The following SGCZ variants were observed in gnomAD, a reference collection of about 807,000 sequenced individuals.
SGCZ encodes zeta-sarcoglycan.
A neutral mutation model predicts 41.3 loss-of-function variants in SGCZ; 40 were observed. The ratio of observed to expected loss-of-function variants is 0.97; its 90% confidence interval spans 0.75 to 1.26. The LOEUF is 1.26. Among genes scored for constraint, SGCZ ranks in the 50% most tolerant of loss-of-function variants. The probability of loss-of-function intolerance (pLI) is 0.00; values close to 1 mark genes in which losing one functional copy is unlikely to be tolerated. For synonymous variants in SGCZ, 206 were observed against 137.5 expected, an observed-to-expected ratio of 1.50 and a Z score of -3.49; for missense variants, 552 against 369.8, an observed-to-expected ratio of 1.49 and a Z score of -4.04.
At position 14,620,466 on chromosome 8, in the gene SGCZ, G is replaced by A. The variant is rs1251586940; in HGVS notation, c.40-65540C>T. Among the ~76,000 whole-genome samples, 6 of 152,102 alleles carry A rather than the reference G, an allele frequency of 3.9e-5. No homozygotes were observed. The East Asian group carries it at 1.2e-3, about 29-fold the overall frequency. On this transcript the variant is annotated intron_variant, in intron 1 of 7. Transcript: ENST00000382080. Reference sequence around the variant, plus strand: ...GATCTAATTAAACTAAAGAGCTTCTGCACAGCAAAAGAAACTACCATCAGA... The same window carrying A: ...GATCTAATTAAACTAAAGAGCTTCTACACAGCAAAAGAAACTACCATCAGA...
At chr8:14,293,253 T>C (rs1486650639) in intron 3 of SGCZ, among the ~76,000 whole-genome samples, 1 of 152,042 alleles carries the variant, frequency 6.6e-6, no homozygotes, top group Non-Finnish European at 1.5e-5. Context: ...GGATGTGATA[T>C]ATGTAAGAAT....
intron 2 of SGCZ, among the ~76,000 whole-genome samples, chr8:14,479,438 G>T (rs1801459436): frequency 6.6e-6 from 1 of 152,024 alleles, no homozygotes; most frequent in African/African-American, 2.4e-5. Context: ...GGTGGGTTTG[G>T]GTCTCCCAGT....
intron 1 of SGCZ, among the ~76,000 whole-genome samples, chr8:15,184,802 A>T (rs911680096): frequency 1.5e-4 from 23 of 152,278 alleles, no homozygotes; most frequent in African/African-American, 5.3e-4. Context: ...TTTTACCTGC[A>T]GCCTTGTAAT....
At chr8:15,123,142 A>G (rs1323058061) in intron 1 of SGCZ, among the ~76,000 whole-genome samples, 1 of 152,154 alleles carries the variant, frequency 6.6e-6, no homozygotes, top group Admixed American at 6.5e-5. Flanking sequence ...CATGACACTG[A>G]TATCATTTTT....
At chr8:14,413,039 C>G (rs1414602289) in intron 2 of SGCZ, among the ~76,000 whole-genome samples, 1 of 151,706 alleles carries the variant, frequency 6.6e-6, no homozygotes, top group Non-Finnish European at 1.5e-5. Flanking sequence ...AATTTTAAGA[C>G]AAAAATTTTA....
intron 1 of SGCZ, among the ~76,000 whole-genome samples, chr8:15,049,607 C>T (rs1034983383): frequency 1.3e-5 from 2 of 152,122 alleles, no homozygotes; most frequent in Non-Finnish European, 2.9e-5. Flanking sequence ...GTACTGCCAC[C>T]ATGCGCAGCT....
At chr8:14,548,103 C>A (rs936028788) in intron 2 of SGCZ, among the ~76,000 whole-genome samples, 4 of 152,044 alleles carry the variant, frequency 2.6e-5, no homozygotes, top group Non-Finnish European at 5.9e-5. Flanking sequence ...TATTTTAATT[C>A]TTTTGATTTC....
intron 2 of SGCZ, among the ~76,000 whole-genome samples, chr8:14,552,684 G>A (rs545601806): frequency 6.6e-6 from 1 of 152,028 alleles, no homozygotes; most frequent in African/African-American, 2.4e-5. Flanking sequence ...TGAGGATCCT[G>A]AGGACACAGG....
At position 14,085,940 on chromosome 8, in the gene SGCZ, C is replaced by A. The variant is rs970985087; in HGVS notation, c.*4503G>T. Among the ~76,000 whole-genome samples the A allele has an allele frequency of 2.0e-5, 3 of 151,680 alleles. No individual in the cohort carries two copies. The highest frequency in any genetic ancestry group is 7.2e-5 in the African/African-American group (3 of 41,392). On this transcript the variant is annotated 3_prime_UTR_variant, in exon 8 of 8. Transcript: ENST00000382080. ...CATTCTTTGGTCTTTGACATTTAAA[C>A]AACTAATAAATTTCAGTATAAAACA... is the stretch of plus-strand genomic sequence containing the variant.
chr8:14,967,015 T>G (rs1184882475), intron 1 of SGCZ, among the ~76,000 whole-genome samples: 2 of 152,152 alleles, frequency 1.3e-5, no homozygotes, highest in Non-Finnish European at 2.9e-5. Flanking sequence ...ATTAAAAATT[T>G]TATGTATGCC....
intron 1 of SGCZ, among the ~76,000 whole-genome samples, chr8:15,050,938 C>T (rs1246272958): frequency 2.0e-5 from 3 of 152,182 alleles, no homozygotes; most frequent in Non-Finnish European, 4.4e-5. Context: ...ATGGGAAATA[C>T]TTGCCTCTTT....
chr8:14,127,225 G>A (rs1408376101), intron 5 of SGCZ, among the ~76,000 whole-genome samples: 1 of 151,994 alleles, frequency 6.6e-6, no homozygotes, highest in Non-Finnish European at 1.5e-5. Flanking sequence ...GAAAGCATAG[G>A]TCTGGTTCCC....
chr8:14,794,925 G>T (rs528467761), intron 1 of SGCZ, among the ~76,000 whole-genome samples: 1 of 152,304 alleles, frequency 6.6e-6, no homozygotes, highest in East Asian at 1.9e-4. Flanking sequence ...ATGAAGAACA[G>T]TATGTCCAGA....
intron 1 of SGCZ, among the ~76,000 whole-genome samples, chr8:14,669,114 C>G (rs1456818624): frequency 6.6e-6 from 1 of 151,898 alleles, no homozygotes; most frequent in Non-Finnish European, 1.5e-5. Flanking sequence ...GCAGGTGAAT[C>G]ACTTGAGCTC....
At chr8:14,092,878 A>C (rs1333848923) in intron 7 of SGCZ, among the ~76,000 whole-genome samples, 1 of 151,710 alleles carries the variant, frequency 6.6e-6, no homozygotes, top group African/African-American at 2.4e-5. Context: ...AACAATATAT[A>C]ATTATTGTCT....
chr8:14,634,338 G>A (rs1806757482), intron 1 of SGCZ, among the ~76,000 whole-genome samples: 1 of 151,508 alleles, frequency 6.6e-6, no homozygotes, highest in African/African-American at 2.4e-5. Context: ...AGGGATACTG[G>A]TTTCATTTTC....
chr8:14,696,972 AC>A (rs1401320752), intron 1 of SGCZ, among the ~76,000 whole-genome samples: 2 of 150,306 alleles, frequency 1.3e-5, no homozygotes, highest in African/African-American at 4.9e-5. Flanking sequence ...TTAAAAAAAA[AC>A]ATAGATATTA....
chr8:14,550,654 G>T (rs1197349736), intron 2 of SGCZ, among the ~76,000 whole-genome samples: 1 of 151,840 alleles, frequency 6.6e-6, no homozygotes, highest in East Asian at 1.9e-4. Flanking sequence ...TAGATCACAG[G>T]AGCATCTCCT....
intron 1 of SGCZ, among the ~76,000 whole-genome samples, chr8:14,645,112 C>A (rs1003577549): frequency 6.6e-6 from 1 of 151,448 alleles, no homozygotes; most frequent in Non-Finnish European, 1.5e-5. Flanking sequence ...GTTTGAAAAC[C>A]ATTGATCTAT....
Sources: allele counts gnomAD v4.1 joint callset (sites outside exome capture counted in the v4.1 genomes callset), GRCh38; gene constraint gnomAD v4.1.1; transcripts MANE v1.5; gene names NCBI Gene and HGNC (gene_info 2026-07-23, HGNC 2026-07-21).